The following RORA variants were observed in gnomAD, a reference collection of about 807,000 sequenced individuals.
RORA encodes nuclear receptor ROR-alpha.
RORA carries 7 observed loss-of-function variants against 69.5 expected under a neutral mutation model. That is an observed-to-expected ratio of 0.10 (90% CI 0.06 to 0.19). The LOEUF is 0.19. Ranked by LOEUF, RORA falls within the 10% of genes least tolerant of loss-of-function variation. The pLI, the probability that RORA is intolerant of heterozygous loss-of-function variation, is 1.00. For synonymous variants in RORA, 261 were observed against 240.8 expected, an observed-to-expected ratio of 1.08 and a Z score of -0.78; for missense variants, 457 against 663.0, an observed-to-expected ratio of 0.69 and a Z score of 3.41.
intron 2 of RORA, among the ~76,000 whole-genome samples, chr15:60,598,769 G>T (rs1340459614): frequency 6.6e-6 from 1 of 152,206 alleles, no homozygotes; most frequent in Admixed American, 6.5e-5. Context: ...GGGATCAACT[G>T]TATTTATTAA....
intron 1 of RORA, among the ~76,000 whole-genome samples, chr15:61,117,780 T>A (rs1258588366): frequency 2.0e-5 from 3 of 152,240 alleles, no homozygotes; most frequent in Non-Finnish European, 4.4e-5. Flanking sequence ...AGCATCAATT[T>A]GTAGAAGAAT....
At chr15:60,921,996 T>C (rs944114228) in intron 1 of RORA, among the ~76,000 whole-genome samples, 3 of 152,192 alleles carry the variant, frequency 2.0e-5, no homozygotes, top group African/African-American at 4.8e-5. Context: ...CTTCAATAAT[T>C]ATCAGCCTAT....
intron 1 of RORA, among the ~76,000 whole-genome samples, chr15:60,899,558 G>A (rs1891326999): frequency 6.6e-6 from 1 of 152,132 alleles, no homozygotes; most frequent in African/African-American, 2.4e-5. Context: ...TTCTTTCATG[G>A]CTTTCTCTTC....
At chr15:60,882,131 C>T (rs1302653494) in intron 1 of RORA, among the ~76,000 whole-genome samples, 1 of 152,148 alleles carries the variant, frequency 6.6e-6, no homozygotes, top group Non-Finnish European at 1.5e-5. Context: ...TTATGTCTCC[C>T]ACTACAAAGC....
chr15:60,932,300 G>A (rs1892396231), intron 1 of RORA, among the ~76,000 whole-genome samples: 4 of 152,142 alleles, frequency 2.6e-5, no homozygotes, highest in Admixed American at 2.0e-4. Context: ...TTCCAAGGCA[G>A]TGTCTTGTAA....
At chr15:60,606,206 C>A (rs2068941499) in intron 2 of RORA, among the ~76,000 whole-genome samples, 1 of 152,202 alleles carries the variant, frequency 6.6e-6, no homozygotes, top group South Asian at 2.1e-4. Flanking sequence ...TGTCTGTTTC[C>A]TGAGATTGTG....
chr15:60,924,757 A>C (rs918454197), intron 1 of RORA, among the ~76,000 whole-genome samples: 11 of 152,178 alleles, frequency 7.2e-5, no homozygotes, highest in African/African-American at 2.7e-4. Flanking sequence ...GTGATTATTG[A>C]TAGGACACAT....
chr15:60,810,765 C>T (rs1271220538), intron 1 of RORA, among the ~76,000 whole-genome samples: 2 of 150,698 alleles, frequency 1.3e-5, no homozygotes, highest in African/African-American at 4.9e-5. Context: ...CTCTAACTTG[C>T]TGCTTTCTCT....
intron 1 of RORA, among the ~76,000 whole-genome samples, chr15:61,066,648 G>A (rs987273604): frequency 8.6e-5 from 13 of 151,382 alleles, no homozygotes; most frequent in Admixed American, 5.3e-4. Context: ...GGCTGGTCTC[G>A]AACTCCTGAC....
chr15:60,514,866 A>T (rs34783737), intron 3 of RORA, 109 bp from the exon 4 acceptor site: 7 of 774,278 alleles, frequency 9.0e-6, no homozygotes, highest in Non-Finnish European at 1.4e-5. Context: ...TGGAGAATTA[A>T]ACTTGTAGCA....
rs185632758 is a variant in RORA at position 60,731,226 on chromosome 15, A to C, written c.167-52540T>G. 3.4e-3 allele frequency among the ~76,000 whole-genome samples: 513 copies of C among 152,310 alleles called. 3 individuals are homozygous for C. The highest frequency in any genetic ancestry group is 0.011 in the African/African-American group (474 of 41,550). On this transcript the variant is annotated intron_variant, in intron 1 of 10. Coordinates refer to ENST00000335670, the MANE Select transcript of RORA (RefSeq NM_134261.3). ...TTTAAGCAGGTGTGTCTAGAAAAGA[A>C]TGATGCCCCAAACCCCCAAACAATA...
chr15:60,691,429 C>T (rs1407586882), intron 1 of RORA, among the ~76,000 whole-genome samples: 4 of 152,144 alleles, frequency 2.6e-5, no homozygotes, highest in Non-Finnish European at 4.4e-5. Context: ...TATAGATACT[C>T]ACAAAAAATT....
intron 4 of RORA, among the ~76,000 whole-genome samples, chr15:60,512,982 G>A (rs2065750948): frequency 6.6e-6 from 1 of 152,212 alleles, no homozygotes; most frequent in African/African-American, 2.4e-5. Flanking sequence ...ATTTATAGCT[G>A]ATGGGGTGGA....
intron 1 of RORA, among the ~76,000 whole-genome samples, chr15:60,746,945 T>C (rs2140855995): frequency 6.6e-6 from 1 of 152,294 alleles, no homozygotes; most frequent in African/African-American, 2.4e-5. Context: ...AATAAAATAG[T>C]GAGTAGAAAC....
At chr15:60,914,005 G>A (rs1404255862) in intron 1 of RORA, among the ~76,000 whole-genome samples, 2 of 152,118 alleles carry the variant, frequency 1.3e-5, no homozygotes, top group African/African-American at 4.8e-5. Flanking sequence ...TTGTATGAAA[G>A]GGACCGTGCC....
In RORA at chr15:61,108,654, G is replaced by A. The variant is rs185062722; in HGVS notation, c.166+120399C>T. Among the ~76,000 whole-genome samples the A allele has an allele frequency of 1.4e-4, 22 of 152,224 alleles. No homozygotes were observed. In the East Asian group the frequency reaches 4.3e-3, roughly 29 times the overall value. Reference sequence around the variant, plus strand: ...TAAACCATTACCACTAAAATGCACAGTATCAAAATTACTACTCTAAGGTTT... The same window carrying A: ...TAAACCATTACCACTAAAATGCACAATATCAAAATTACTACTCTAAGGTTT... On this transcript the variant is annotated intron_variant, in intron 1 of 10. Transcript: ENST00000335670.
chr15:61,095,659 C>A (rs1406511614), intron 1 of RORA, among the ~76,000 whole-genome samples: 2 of 152,186 alleles, frequency 1.3e-5, no homozygotes, highest in Admixed American at 6.5e-5. Context: ...TAAAAAGCAG[C>A]AGAACCCTTT....
At chr15:60,509,865 A>C (rs1385307631) in intron 5 of RORA, among the ~76,000 whole-genome samples, 1 of 152,130 alleles carries the variant, frequency 6.6e-6, no homozygotes, top group Non-Finnish European at 1.5e-5. Flanking sequence ...TGTTAATCAA[A>C]AGAGCTGCAA....
At chr15:60,690,854 C>A (rs1187849910) in intron 1 of RORA, among the ~76,000 whole-genome samples, 1 of 152,146 alleles carries the variant, frequency 6.6e-6, no homozygotes, top group Non-Finnish European at 1.5e-5. Context: ...TACAGGACAC[C>A]TCAACTGGAC....
Sources: gnomAD v4.1 joint callset for allele counts (sites outside exome capture counted in the v4.1 genomes callset) on GRCh38, gnomAD v4.1.1 for gene constraint, MANE v1.5 for transcripts, NCBI Gene and HGNC (gene_info 2026-07-23, HGNC 2026-07-21) for gene names.